Variants in ANKRD29 observed in about 807,000 individuals in gnomAD.
ANKRD29 encodes the protein ankyrin repeat domain-containing protein 29.
In ANKRD29, 32 loss-of-function variants were observed where a neutral mutation model predicts 38.0. The ratio of observed to expected loss-of-function variants is 0.84; its 90% CI spans 0.64 to 1.13. The LOEUF is 1.13. Ranked by LOEUF, ANKRD29 falls within the 50% of genes most tolerant of loss-of-function variation. The probability of loss-of-function intolerance (pLI) is 0.00; values close to 1 mark genes in which losing one functional copy is unlikely to be tolerated. For missense variants in ANKRD29, 357 were observed against 377.9 expected, an observed-to-expected ratio of 0.94 and a Z score of 0.46; for synonymous variants, 135 against 152.4, an observed-to-expected ratio of 0.89 and a Z score of 0.84.
intron 6 of ANKRD29, among the ~76,000 whole-genome samples, chr18:23,626,710 G>C (rs757027293): frequency 6.6e-6 from 1 of 152,156 alleles, no homozygotes; most frequent in African/African-American, 2.4e-5. Context: ...TACTAAAAAG[G>C]TCTTCATTTA....
chr18:23,602,881 A>C (rs951269531), intron 9 of ANKRD29, among the ~76,000 whole-genome samples: 1 of 152,224 alleles, frequency 6.6e-6, no homozygotes, highest in Non-Finnish European at 1.5e-5. Context: ...TGAAAAATTA[A>C]ATTTTCAAAA....
intron 1 of ANKRD29, among the ~76,000 whole-genome samples, chr18:23,650,997 T>C (rs2060203794): frequency 6.6e-6 from 1 of 152,362 alleles, no homozygotes; most frequent in Admixed American, 6.5e-5. Context: ...GCCTTTTAAA[T>C]ATATTGATAT....
intron 9 of ANKRD29, among the ~76,000 whole-genome samples, chr18:23,610,519 G>A (rs1485560975): frequency 6.6e-6 from 1 of 152,162 alleles, no homozygotes; most frequent in Admixed American, 6.5e-5. Flanking sequence ...TTTAGGCCAG[G>A]TGTGGTGGCT....
At chr18:23,616,601 ATAC>A (rs1443239740) in intron 8 of ANKRD29, among the ~76,000 whole-genome samples, 18 of 142,646 alleles carry the variant, frequency 1.3e-4, no homozygotes, top group African/African-American at 4.0e-4. Flanking sequence ...TATACTATAT[ATAC>A]TATATATATA....
Position 23,617,786 on chromosome 18 carries a change from A to G in ANKRD29, c.669T>C (p.Tyr223=), listed in dbSNP as rs781526822. The G allele has an allele frequency of 1.9e-6, 3 of 1,614,122 alleles. No individual in the cohort carries two copies. The highest frequency in any genetic ancestry group is 1.7e-4 in the Middle Eastern group (1 of 6,058). Residue 223 remains tyrosine, a synonymous_variant, in exon 8 of 10, where the codon TAT becomes TAC. Coordinates refer to ENST00000592179, the MANE Select transcript of ANKRD29 (RefSeq NM_173505.4). ...TAAGCAACTCTTTTATGACATCATT[A>G]TACCCTTTGTTGGCTGCTTTCAATA... ...TALLKAANKG[Y]NDVIKELLKF...
intron 3 of ANKRD29, among the ~76,000 whole-genome samples, chr18:23,642,432 C>T (rs189189755): frequency 1.9e-4 from 29 of 152,302 alleles, no homozygotes; most frequent in African/African-American, 6.3e-4. Context: ...TCACACAGAG[C>T]TGGCACCTGT....
At chr18:23,612,396 T>C (rs1402017577) in intron 8 of ANKRD29, among the ~76,000 whole-genome samples, 1 of 152,226 alleles carries the variant, frequency 6.6e-6, no homozygotes, top group Non-Finnish European at 1.5e-5. Context: ...ATATTGCTAA[T>C]GTTCTCTTAC....
At chr18:23,612,306 C>G (rs1337377330) in intron 8 of ANKRD29, 116 bp from the exon 9 acceptor site, 3 of 811,950 alleles carry the variant, frequency 3.7e-6, no homozygotes, top group Non-Finnish European at 5.7e-6. Flanking sequence ...CGTAACCTTC[C>G]TTATCTTGCC....
chr18:23,615,598 G>A (rs1314733713), intron 8 of ANKRD29, among the ~76,000 whole-genome samples: 1 of 151,932 alleles, frequency 6.6e-6, no homozygotes, highest in South Asian at 2.1e-4. Context: ...TTTTTGTGGA[G>A]ATGGAGTCTA....
At chr18:23,632,529 G>GTATATATATATATATATATATATATATA (rs1319966480) in intron 5 of ANKRD29, among the ~76,000 whole-genome samples, 6 of 68,086 alleles carry the variant, frequency 8.8e-5, no homozygotes, top group African/African-American at 2.4e-4. Context: ...GTGTGTGTGT[G>GTATATATATATATATATATATATATATA]TGTGTATATA....
intron 9 of ANKRD29, among the ~76,000 whole-genome samples, chr18:23,604,737 G>T (rs2059554771): frequency 6.6e-6 from 1 of 151,890 alleles, no homozygotes; most frequent in Non-Finnish European, 1.5e-5. Flanking sequence ...CACCATGTTG[G>T]CCAGGATGGT....
chr18:23,627,299 C>T lies in ANKRD29; in HGVS notation c.528+2554G>A, dbSNP rs533892544. 3.3e-5 allele frequency among the ~76,000 whole-genome samples: 5 copies of T among 152,120 alleles called. 1 individual carries two copies. The highest frequency in any genetic ancestry group is 1.2e-4 in the African/African-American group (5 of 41,492). ...AAGCAATTCTTATTTTATAAGACAC[C>T]CTTTTCCTGAATAACAATTCTTTTA... On this transcript the variant is annotated intron_variant, in intron 6 of 9. Coordinates refer to ENST00000592179, the MANE Select transcript of ANKRD29 (RefSeq NM_173505.4).
chr18:23,644,266 A>AT (rs1384801419), intron 3 of ANKRD29, among the ~76,000 whole-genome samples: 1 of 152,166 alleles, frequency 6.6e-6, no homozygotes, highest in Admixed American at 6.6e-5. Flanking sequence ...TTTCAGAGAG[A>AT]TTTTTGTGCA....
chr18:23,655,475 C>T (rs935520538), intron 1 of ANKRD29, among the ~76,000 whole-genome samples: 30 of 152,010 alleles, frequency 2.0e-4, no homozygotes, highest in African/African-American at 7.0e-4. Flanking sequence ...GACGGAGTCT[C>T]ACTCTGTCAC....
chr18:23,622,599 C>T (rs1296610401), intron 6 of ANKRD29, among the ~76,000 whole-genome samples: 1 of 152,190 alleles, frequency 6.6e-6, no homozygotes, highest in Non-Finnish European at 1.5e-5. Context: ...TGGAGTCTTG[C>T]TCTGTTGCCC....
At chr18:23,618,172 A>G (rs1309223335) in intron 7 of ANKRD29, among the ~76,000 whole-genome samples, 1 of 152,256 alleles carries the variant, frequency 6.6e-6, no homozygotes, top group African/African-American at 2.4e-5. Flanking sequence ...GGCTGTTCAT[A>G]ACTTAGCAGA....
chr18:23,634,284 T>TG (rs1568032033), intron 4 of ANKRD29, 135 bp from the exon 5 acceptor site: 9 of 123,566 alleles, frequency 7.3e-5, no homozygotes, highest in African/African-American at 2.8e-4. Context: ...CCCTGTTTTT[T>TG]TTTTTTTTTT....
chr18:23,611,878 A>C (rs2059646784), intron 9 of ANKRD29, among the ~76,000 whole-genome samples: 1 of 152,056 alleles, frequency 6.6e-6, no homozygotes. Flanking sequence ...AAAGAAAAAA[A>C]AAAACCATTG....
chr18:23,632,880 C>G (rs2059951977), intron 5 of ANKRD29, among the ~76,000 whole-genome samples: 1 of 152,142 alleles, frequency 6.6e-6, no homozygotes, highest in Middle Eastern at 3.4e-3. Flanking sequence ...TTCAAAGAGG[C>G]CTGTGATTTG....
Sources: allele counts gnomAD v4.1 joint callset (sites outside exome capture counted in the v4.1 genomes callset), GRCh38; gene constraint gnomAD v4.1.1; transcripts MANE v1.5; gene names NCBI Gene and HGNC (gene_info 2026-07-23, HGNC 2026-07-21).